Variants in CMSS1 observed in about 807,000 individuals in gnomAD.
The protein encoded by CMSS1 is protein CMSS1.
Under a neutral mutation model 43.5 loss-of-function variants are expected in CMSS1, and 33 were observed. The ratio of observed to expected loss-of-function variants is 0.76; its 90% CI spans 0.57 to 1.01. CMSS1 has a LOEUF of 1.01. CMSS1 is among the 50% of genes least tolerant of loss of function. The probability of loss-of-function intolerance (pLI) is 0.00; values close to 1 mark genes in which losing one functional copy is unlikely to be tolerated. For synonymous variants in CMSS1, 115 were observed against 117.2 expected (o/e 0.98, Z 0.12); for missense variants, 313 against 326.4 (o/e 0.96, Z 0.32).
intron 1 of CMSS1, among the ~76,000 whole-genome samples, chr3:100,082,086 A>G (rs1226309202): frequency 6.6e-6 from 1 of 152,230 alleles, no homozygotes; most frequent in African/African-American, 2.4e-5. Flanking sequence ...AAATACTGGC[A>G]TGTTCCTAGA....
At chr3:99,991,514 T>G (rs1709509351) in intron 1 of CMSS1, among the ~76,000 whole-genome samples, 1 of 152,136 alleles carries the variant, frequency 6.6e-6, no homozygotes, top group Non-Finnish European at 1.5e-5. Context: ...ATATATTGCA[T>G]CATGGTCAAG....
At chr3:100,055,964 T>C (rs1459707158) in intron 1 of CMSS1, among the ~76,000 whole-genome samples, 1 of 152,206 alleles carries the variant, frequency 6.6e-6, no homozygotes, top group Non-Finnish European at 1.5e-5. Context: ...CACTTGTGTA[T>C]GGAGTCCAAG....
intron 1 of CMSS1, among the ~76,000 whole-genome samples, chr3:99,910,520 G>GA (rs1706755525): frequency 7.3e-6 from 1 of 136,496 alleles, no homozygotes; most frequent in African/African-American, 2.5e-5. Flanking sequence ...AGGTGAAGTG[G>GA]CAGATGCATG....
intron 1 of CMSS1, among the ~76,000 whole-genome samples, chr3:99,880,223 CTTCACTCTTCT>C (rs548251090): frequency 2.9e-3 from 447 of 152,292 alleles, no homozygotes; most frequent in Non-Finnish European, 5.0e-3. Context: ...AACCTCATTT[CTTCACTCTTCT>C]TTCACTCTTC....
chr3:100,056,488 T>G (rs2065465146), intron 1 of CMSS1, among the ~76,000 whole-genome samples: 1 of 152,218 alleles, frequency 6.6e-6, no homozygotes, highest in African/African-American at 2.4e-5. Context: ...TAACAAAAGT[T>G]TATAATCTGC....
At chr3:99,842,568 A>T (rs1178737400) in intron 1 of CMSS1, among the ~76,000 whole-genome samples, 1 of 151,576 alleles carries the variant, frequency 6.6e-6, no homozygotes, top group Admixed American at 6.6e-5. Flanking sequence ...CCATTTGGCT[A>T]TGAGGAGGAA....
intron 1 of CMSS1, among the ~76,000 whole-genome samples, chr3:99,995,393 G>A (rs886231434): frequency 2.0e-5 from 3 of 152,178 alleles, no homozygotes; most frequent in African/African-American, 4.8e-5. Context: ...CTGTGGCTTT[G>A]CAGGGTACAG....
chr3:100,103,683 G>A (rs918165050), intron 1 of CMSS1, among the ~76,000 whole-genome samples: 1 of 152,266 alleles, frequency 6.6e-6, no homozygotes, highest in Admixed American at 6.5e-5. Context: ...GCCATGGAAT[G>A]GTCTCTTCCA....
At chr3:100,104,335 C>T (rs2066358495) in intron 1 of CMSS1, among the ~76,000 whole-genome samples, 1 of 152,224 alleles carries the variant, frequency 6.6e-6, no homozygotes, top group East Asian at 1.9e-4. Context: ...TGTGGTCACA[C>T]AAAGCCCGTT....
intron 1 of CMSS1, chr3:99,924,410 T>C: frequency 1.9e-6 from 3 of 1,613,582 alleles, no homozygotes; most frequent in Non-Finnish European, 2.5e-6. Context: ...TTTGTCCAAC[T>C]ACGAAAGAAA....
intron 1 of CMSS1, among the ~76,000 whole-genome samples, chr3:100,050,612 A>G (rs1036324520): frequency 6.6e-6 from 1 of 151,994 alleles, no homozygotes; most frequent in African/African-American, 2.4e-5. Context: ...GCTCACTGCA[A>G]CCTCCATCTC....
chr3:99,947,886 A>AT (rs199818049), intron 1 of CMSS1, among the ~76,000 whole-genome samples: 3,689 of 152,180 alleles, frequency 0.024, 83 homozygotes, highest in East Asian at 0.13. Context: ...TTATTTGCAC[A>AT]TTTTTTCCTT....
chr3:100,000,238 C>T (rs940231228), intron 1 of CMSS1, among the ~76,000 whole-genome samples: 30 of 152,186 alleles, frequency 2.0e-4, no homozygotes, highest in African/African-American at 7.0e-4. Context: ...TAATATTGTC[C>T]GGTGACCTTG....
intron 4 of CMSS1, among the ~76,000 whole-genome samples, chr3:100,164,733 A>C (rs1159379414): frequency 6.6e-6 from 1 of 152,096 alleles, no homozygotes; most frequent in African/African-American, 2.4e-5. Context: ...GGTTATTTGG[A>C]ATAGGCTCAA....
intron 1 of CMSS1, chr3:99,930,706 A>T: frequency 1.3e-6 from 2 of 1,572,810 alleles, no homozygotes; most frequent in East Asian, 4.5e-5. Context: ...GGCAGCAGGA[A>T]CACCAAATTC....
chr3:99,930,940 C>G (rs757240480), intron 1 of CMSS1: 3 of 1,613,418 alleles, frequency 1.9e-6, no homozygotes, highest in Admixed American at 3.3e-5. Context: ...TGTTTTTAGG[C>G]CCTTGGAAAC....
intron 2 of CMSS1, among the ~76,000 whole-genome samples, chr3:100,153,960 C>G (rs1257826493): frequency 6.6e-6 from 1 of 151,888 alleles, no homozygotes; most frequent in Non-Finnish European, 1.5e-5. Flanking sequence ...AAGCAATTCT[C>G]CCACCTCAGC....
At chr3:100,106,225 T>C (rs2066393157) in intron 1 of CMSS1, among the ~76,000 whole-genome samples, 1 of 152,068 alleles carries the variant, frequency 6.6e-6, no homozygotes, top group African/African-American at 2.4e-5. Context: ...CAGGATACCA[T>C]TATGAGCAGA....
intron 1 of CMSS1, among the ~76,000 whole-genome samples, chr3:100,113,778 T>G (rs1189517798): frequency 6.6e-6 from 1 of 152,218 alleles, no homozygotes; most frequent in Non-Finnish European, 1.5e-5. Context: ...CTTAACAGGA[T>G]AACAATTTAA....
Sources: gnomAD v4.1 joint callset for allele counts (sites outside exome capture counted in the v4.1 genomes callset) on GRCh38, gnomAD v4.1.1 for gene constraint, MANE v1.5 for transcripts, NCBI Gene and HGNC (gene_info 2026-07-23, HGNC 2026-07-21) for gene names.